Variants in LYPD6 observed in about 807,000 individuals in gnomAD.
LYPD6 encodes ly6/PLAUR domain-containing protein 6.
A neutral mutation model predicts 22.7 loss-of-function variants in LYPD6; 15 were observed. The ratio of observed to expected loss-of-function variants is 0.66; its 90% confidence interval spans 0.44 to 1.02. The LOEUF (loss-of-function observed/expected upper bound fraction) is 1.02, where lower values mean the gene tolerates loss of function less well. LYPD6 is among the 50% of genes least tolerant of loss of function. The pLI is 0.00. For missense variants in LYPD6, 189 were observed against 208.4 expected (o/e 0.91, Z 0.57); for synonymous variants, 72 against 77.5 (o/e 0.93, Z 0.37).
intron 1 of LYPD6, among the ~76,000 whole-genome samples, chr2:149,349,748 CAT>C (rs1163706847): frequency 2.0e-5 from 3 of 152,172 alleles, no homozygotes; most frequent in Non-Finnish European, 2.9e-5. Context: ...ATTTTAAGTA[CAT>C]ATGTTATCAA....
intron 1 of LYPD6, among the ~76,000 whole-genome samples, chr2:149,398,413 TTG>T (rs10584410): frequency 0.23 from 34,270 of 147,558 alleles, 4,191 homozygotes; most frequent in African/African-American, 0.34. Flanking sequence ...AAAGATGGCT[TTG>T]TGTGTGTGTG....
At chr2:149,449,178 C>T (rs772901609) in intron 3 of LYPD6, 31 bp downstream of exon 3, 1 of 1,525,520 alleles carries the variant, frequency 6.6e-7, no homozygotes, top group South Asian at 1.2e-5. Flanking sequence ...TTGGGGTCCC[C>T]TGGGCTGTCC....
intron 1 of LYPD6, among the ~76,000 whole-genome samples, chr2:149,405,451 G>T (rs552131754): frequency 1.2e-4 from 18 of 152,252 alleles, no homozygotes; most frequent in South Asian, 1.0e-3. Flanking sequence ...CTTCTTCCTG[G>T]TTTAGTCTTG....
At chr2:149,423,683 T>C (rs1011828290) in intron 1 of LYPD6, among the ~76,000 whole-genome samples, 1 of 148,084 alleles carries the variant, frequency 6.8e-6, no homozygotes, top group Non-Finnish European at 1.5e-5. Context: ...TAACACACTT[T>C]GAATAGGACA....
At chr2:149,396,996 T>G (rs569537174) in intron 1 of LYPD6, among the ~76,000 whole-genome samples, 3 of 152,352 alleles carry the variant, frequency 2.0e-5, no homozygotes, top group African/African-American at 7.2e-5. Flanking sequence ...TTAAATCATT[T>G]CTATATTATA....
At chr2:149,462,519 C>G (rs868692704) in intron 3 of LYPD6, among the ~76,000 whole-genome samples, 2 of 150,358 alleles carry the variant, frequency 1.3e-5, no homozygotes, top group African/African-American at 4.9e-5. Flanking sequence ...CAATTCCTGT[C>G]AAAATCCCAG....
chr2:149,465,288 A>C (rs964778290), intron 3 of LYPD6, among the ~76,000 whole-genome samples: 1 of 152,176 alleles, frequency 6.6e-6, no homozygotes, highest in Non-Finnish European at 1.5e-5. Flanking sequence ...AGGGTCAGAC[A>C]TGGGAAAAGG....
At chr2:149,342,011 CAGG>C (rs1281435174) in intron 1 of LYPD6, among the ~76,000 whole-genome samples, 2 of 152,072 alleles carry the variant, frequency 1.3e-5, no homozygotes, top group Non-Finnish European at 2.9e-5. Flanking sequence ...CCTGGATGTC[CAGG>C]AAGAACAAAT....
intron 1 of LYPD6, among the ~76,000 whole-genome samples, chr2:149,366,564 G>T (rs2105073077): frequency 6.6e-6 from 1 of 152,338 alleles, no homozygotes. Flanking sequence ...AGGATGGCAA[G>T]AAGAGTCCAG....
At chr2:149,421,352 T>C (rs1683074156) in intron 1 of LYPD6, among the ~76,000 whole-genome samples, 1 of 139,262 alleles carries the variant, frequency 7.2e-6, no homozygotes, top group South Asian at 2.2e-4. Flanking sequence ...ATCATACCAC[T>C]GCACTCCAGC....
chr2:149,367,480 C>T (rs185816689), intron 1 of LYPD6, among the ~76,000 whole-genome samples: 27 of 152,162 alleles, frequency 1.8e-4, no homozygotes, highest in African/African-American at 4.1e-4. Context: ...CTAGAACAGC[C>T]GACACTAAAG....
At chr2:149,335,118 TAGAG>T (rs557998778) in intron 1 of LYPD6, among the ~76,000 whole-genome samples, 65 of 152,136 alleles carry the variant, frequency 4.3e-4, no homozygotes, top group African/African-American at 1.4e-3. Flanking sequence ...ATCATTATCT[TAGAG>T]AGAACTCCTA....
At chr2:149,354,115 G>A (rs916636139) in intron 1 of LYPD6, among the ~76,000 whole-genome samples, 4 of 152,146 alleles carry the variant, frequency 2.6e-5, no homozygotes, top group Non-Finnish European at 4.4e-5. Flanking sequence ...GGGTTGTACT[G>A]GTGGATAAGG....
At chr2:149,337,809 C>T (rs565716268) in intron 1 of LYPD6, among the ~76,000 whole-genome samples, 85 of 152,114 alleles carry the variant, frequency 5.6e-4, no homozygotes, top group Middle Eastern at 3.4e-3. Flanking sequence ...TCAAGTAGAC[C>T]CCAGTGTTTG....
intron 1 of LYPD6, among the ~76,000 whole-genome samples, chr2:149,356,431 TCC>T (rs1310664307): frequency 6.6e-6 from 1 of 152,226 alleles, no homozygotes; most frequent in Non-Finnish European, 1.5e-5. Context: ...CGAGATGTTT[TCC>T]TTCCCTACAT....
At chr2:149,331,116 A>G (rs1680929162) in intron 1 of LYPD6, among the ~76,000 whole-genome samples, 1 of 152,112 alleles carries the variant, frequency 6.6e-6, no homozygotes, top group Non-Finnish European at 1.5e-5. Context: ...TGGGCGGCGG[A>G]CTGGCAGCAC....
At chr2:149,421,664 C>T (rs2105133199) in intron 1 of LYPD6, among the ~76,000 whole-genome samples, 1 of 151,974 alleles carries the variant, frequency 6.6e-6, no homozygotes, top group South Asian at 2.1e-4. Flanking sequence ...TCCATGTAAC[C>T]AATGTATTTT....
At chr2:149,412,397 A>T (rs986435454) in intron 1 of LYPD6, among the ~76,000 whole-genome samples, 1 of 151,282 alleles carries the variant, frequency 6.6e-6, no homozygotes, top group Non-Finnish European at 1.5e-5. Flanking sequence ...TAGAGATGAC[A>T]CTTATCTATG....
chr2:149,349,477 A>G (rs1442246136), intron 1 of LYPD6, among the ~76,000 whole-genome samples: 1 of 152,230 alleles, frequency 6.6e-6, no homozygotes, highest in African/African-American at 2.4e-5. Context: ...AAAAGTTACC[A>G]GAATTAAACA....
Sources: gnomAD v4.1 joint callset for allele counts (sites outside exome capture counted in the v4.1 genomes callset) on GRCh38, gnomAD v4.1.1 for gene constraint, MANE v1.5 for transcripts, NCBI Gene and HGNC (gene_info 2026-07-23, HGNC 2026-07-21) for gene names.